SCN8A: variants seen among roughly 807,000 people sequenced by gnomAD.
SCN8A encodes sodium channel protein type 8 subunit alpha.
A neutral mutation model predicts 184.1 loss-of-function variants in SCN8A; 30 were observed. The ratio of observed to expected loss-of-function variants is 0.16; its 90% CI spans 0.12 to 0.22. The LOEUF (loss-of-function observed/expected upper bound fraction) is 0.22. Among genes scored for constraint, SCN8A ranks in the 10% least tolerant of loss-of-function variants. The pLI is 1.00. For synonymous variants in SCN8A, 852 were observed against 907.0 expected, an observed-to-expected ratio of 0.94 and a Z score of 1.09; for missense variants, 1,057 against 2,498.9, an observed-to-expected ratio of 0.42 and a Z score of 12.30.
intron 20 of SCN8A, among the ~76,000 whole-genome samples, chr12:51,777,616 G>T (rs909985681): frequency 4.6e-5 from 7 of 152,158 alleles, no homozygotes; most frequent in African/African-American, 1.7e-4. Context: ...GACCCTTATT[G>T]ATCCTGTCCT....
chr12:51,792,488 C>CAAAA (rs71092723), intron 25 of SCN8A, among the ~76,000 whole-genome samples: 24 of 51,586 alleles, frequency 4.7e-4, no homozygotes, highest in East Asian at 2.5e-3. Context: ...GACCCTATCT[C>CAAAA]AAAAAAAAAA....
At chr12:51,605,000 C>T (rs1323490290) in intron 1 of SCN8A, among the ~76,000 whole-genome samples, 4 of 152,128 alleles carry the variant, frequency 2.6e-5, no homozygotes, top group Non-Finnish European at 5.9e-5. Context: ...CTCCTCCTAA[C>T]GTCCACCCTA....
At chr12:51,761,355 C>G (rs1271471530) in intron 14 of SCN8A, among the ~76,000 whole-genome samples, 1 of 151,792 alleles carries the variant, frequency 6.6e-6, no homozygotes, top group African/African-American at 2.4e-5. Flanking sequence ...ATTGATTATC[C>G]TATTGAAAAA....
chr12:51,677,955 ATTG>A (rs1941253308), intron 2 of SCN8A, among the ~76,000 whole-genome samples: 1 of 152,204 alleles, frequency 6.6e-6, no homozygotes, highest in Non-Finnish European at 1.5e-5. Context: ...GCACCAAGTG[ATTG>A]TTGTTTAAGA....
chr12:51,704,929 C>T (rs1452518765), intron 9 of SCN8A, among the ~76,000 whole-genome samples: 1 of 151,698 alleles, frequency 6.6e-6, no homozygotes, highest in African/African-American at 2.4e-5. Context: ...GAGCCAAGAT[C>T]GTGCCATCAC....
chr12:51,710,566 G>C (rs553211445), intron 11 of SCN8A, among the ~76,000 whole-genome samples: 1 of 152,268 alleles, frequency 6.6e-6, no homozygotes, highest in African/African-American at 2.4e-5. Context: ...GTCTGAGGCG[G>C]GAAGATGGCT....
chr12:51,724,192 T>C (rs1942119565), intron 12 of SCN8A, among the ~76,000 whole-genome samples: 1 of 152,206 alleles, frequency 6.6e-6, no homozygotes, highest in African/African-American at 2.4e-5. Context: ...ATGCCTATAA[T>C]CCCAGCACTT....
At chr12:51,738,823 G>C (rs934230719) in intron 12 of SCN8A, among the ~76,000 whole-genome samples, 2 of 152,188 alleles carry the variant, frequency 1.3e-5, no homozygotes, top group Non-Finnish European at 2.9e-5. Flanking sequence ...ACAGACTCCT[G>C]TTGGGACCTT....
Position 51,706,681 on chromosome 12 carries a change from A to G in SCN8A, c.1601A>G (p.Asn534Ser), listed in dbSNP as rs760459642. Residue 534 changes from asparagine (N) to serine (S), a missense_variant, in exon 11 of 27, where the codon AAC (asparagine) becomes AGC (serine). Asn to Ser is a conservative substitution (Grantham distance 46). Around this residue, in one of 19 missense-constraint regions of SCN8A, gnomAD observed 322 missense variants for 390.1 expected, o/e 0.83. Coordinates refer to ENST00000627620, the MANE Select transcript of SCN8A (RefSeq NM_001330260.2). ...MRRKAFRLPD[N>S]RIGRKFSIMN... is the part of the protein sequence containing the mutation. The stretch of plus-strand genomic sequence containing the variant: ...AGGAAGGCCTTTCGGCTGCCAGACA[A>G]CAGAATAGGGAGGAAATTTTCCATC... 6.3e-6 allele frequency: 10 copies of G among 1,584,806 alleles called. No homozygotes were observed. The highest frequency in any genetic ancestry group is 1.2e-5 in the South Asian group (1 of 84,726).
At chr12:51,743,032 A>G (rs777396515) in intron 12 of SCN8A, among the ~76,000 whole-genome samples, 1 of 151,966 alleles carries the variant, frequency 6.6e-6, no homozygotes. Flanking sequence ...GCATTTTCCA[A>G]CTGTAGAGTT....
At chr12:51,697,287 C>T (rs1941611624) in intron 6 of SCN8A, among the ~76,000 whole-genome samples, 1 of 152,188 alleles carries the variant, frequency 6.6e-6, no homozygotes, top group African/African-American at 2.4e-5. Flanking sequence ...TTTATCTCTA[C>T]AGTCTACCTC....
intron 12 of SCN8A, among the ~76,000 whole-genome samples, chr12:51,724,167 C>T (rs569969822): frequency 3.8e-4 from 58 of 152,142 alleles, no homozygotes; most frequent in Admixed American, 6.5e-4. Context: ...AACAGTGGGC[C>T]GGGCACGGTG....
chr12:51,669,095 C>T (rs1429295481), intron 2 of SCN8A, among the ~76,000 whole-genome samples: 1 of 152,122 alleles, frequency 6.6e-6, no homozygotes, highest in Non-Finnish European at 1.5e-5. Context: ...CATAGCTAAA[C>T]ATAGAAAAGG....
At chr12:51,688,652 G>GA (rs1292290358) in intron 5 of SCN8A, 15 of 740,940 alleles carry the variant, frequency 2.0e-5, no homozygotes, top group Non-Finnish European at 2.6e-5. Context: ...CTTTTTCAAG[G>GA]AAAAAAAATG....
chr12:51,644,728 G>C (rs1167572112), intron 1 of SCN8A, among the ~76,000 whole-genome samples: 1 of 151,332 alleles, frequency 6.6e-6, no homozygotes, highest in Non-Finnish European at 1.5e-5. Context: ...CCTCTGCCTG[G>C]CTGCCCAGTC....
rs12321457 is a variant in SCN8A at position 51,785,838 on chromosome 12, C to T, written c.3943-704C>T. On this transcript the variant is annotated intron_variant, in intron 21 of 26. Coordinates refer to ENST00000627620, the MANE Select transcript of SCN8A (RefSeq NM_001330260.2). ...TCAAGCCCTGGAATGAGCAGAGAGA[C>T]GACAGCATTAGCCAAGCAGGGAGCG... Among the ~76,000 whole-genome samples the T allele has an allele frequency of 7.7e-3, 1,178 of 152,192 alleles. 16 individuals carry two copies. The highest frequency in any genetic ancestry group is 0.034 in the Middle Eastern group (10 of 294).
chr12:51,766,984 C>T (rs1942848029), intron 16 of SCN8A, among the ~76,000 whole-genome samples: 2 of 152,214 alleles, frequency 1.3e-5, no homozygotes, highest in African/African-American at 4.8e-5. Flanking sequence ...CATTAGTTCT[C>T]TTCCTTTTTC....
At chr12:51,721,946 G>A in intron 12 of SCN8A, 38 bp downstream of exon 12, 2 of 1,599,310 alleles carry the variant, frequency 1.3e-6, no homozygotes, top group Non-Finnish European at 8.5e-7. Context: ...GACAGTGTAA[G>A]GAAGAACACA....
intron 11 of SCN8A, chr12:51,712,888 C>T (rs1454073920): frequency 7.7e-6 from 12 of 1,567,700 alleles, no homozygotes; most frequent in South Asian, 5.5e-5. Context: ...AAAGTTTCCA[C>T]CACGGCCAAA....
Sources: gnomAD v4.1 joint callset for allele counts (sites outside exome capture counted in the v4.1 genomes callset) on GRCh38, gnomAD v4.1.1 for gene constraint, gnomAD v4.1.1 regional missense constraint, MANE v1.5 for transcripts, NCBI Gene and HGNC (gene_info 2026-07-23, HGNC 2026-07-21) for gene names.